Variants in IFT140 observed in about 807,000 individuals in gnomAD.
The protein encoded by IFT140 is intraflagellar transport protein 140 homolog.
IFT140 carries 133 observed loss-of-function variants against 164.6 expected under a neutral mutation model. That is an observed-to-expected ratio of 0.81 (90% CI 0.70 to 0.93). The LOEUF (loss-of-function observed/expected upper bound fraction) is 0.93. Among genes scored for constraint, IFT140 ranks in the 40% least tolerant of loss-of-function variants. The pLI is 0.00. For missense variants in IFT140, 2,045 were observed against 1,972.3 expected, an observed-to-expected ratio of 1.04 and a Z score of -0.70; for synonymous variants, 860 against 817.3, an observed-to-expected ratio of 1.05 and a Z score of -0.89.
intron 1 of IFT140, among the ~76,000 whole-genome samples, chr16:1,611,326 G>C (rs1223310137): frequency 1.3e-5 from 2 of 152,100 alleles, no homozygotes; most frequent in Non-Finnish European, 2.9e-5. Flanking sequence ...GCAACAAGGC[G>C]AGATCCTGTC....
chr16:1,606,449 C>A (rs969006794), intron 3 of IFT140, among the ~76,000 whole-genome samples: 1 of 152,202 alleles, frequency 6.6e-6, no homozygotes, highest in Non-Finnish European at 1.5e-5. Context: ...AAACTGATGA[C>A]GGATGTCGTT....
At position 1,520,677 on chromosome 16, in the gene IFT140, T is replaced by C. The variant is rs766242258; in HGVS notation, c.3585A>G (p.Ile1195Met). ...TGCCCTGGCGCATGCAGCAGTCTGC[T>C]ATCTGCTCCAGCAGCTCCCGCCGCG... The part of the protein sequence containing the change: ...EESRRELLEQ[I>M]ADCCMRQGSY... The change falls in exon 27 of 31, where the codon ATA becomes ATG. Residue 1195 changes from isoleucine (I) to methionine (M), a missense_variant. Physicochemically the swap from Ile to Met is conservative, Grantham distance 10. Coordinates refer to ENST00000426508, the MANE Select transcript of IFT140 (RefSeq NM_014714.4). 5 of 1,608,556 alleles carry C rather than the reference T, an allele frequency of 3.1e-6. No homozygotes were observed. The highest frequency in any genetic ancestry group is 1.1e-5 in the South Asian group (1 of 90,062).
intron 26 of IFT140, among the ~76,000 whole-genome samples, chr16:1,522,738 T>C (rs905252226): frequency 1.4e-4 from 21 of 152,080 alleles, no homozygotes; most frequent in African/African-American, 4.8e-4. Flanking sequence ...CTTGGGAGGC[T>C]GAAGCAGGAG....
intron 4 of IFT140, among the ~76,000 whole-genome samples, chr16:1,600,434 C>G (rs796130023): frequency 1.6e-5 from 2 of 122,656 alleles, no homozygotes; most frequent in South Asian, 6.3e-4. Flanking sequence ...GTGAGAAACA[C>G]CCAAGAATTA....
intron 4 of IFT140, among the ~76,000 whole-genome samples, chr16:1,595,153 C>T (rs1246601456): frequency 1.3e-5 from 2 of 152,076 alleles, no homozygotes; most frequent in Admixed American, 6.6e-5. Context: ...GGCGTGGCGG[C>T]GGGCGCCTGT....
In IFT140 at chr16:1,602,139, C is replaced by T. The variant is rs137940479; in HGVS notation, c.369+231G>A. 579 of 558,898 alleles carry T rather than the reference C, an allele frequency of 1.0e-3. 5 individuals carry two copies. Among genetic ancestry groups the T allele is most frequent in the African/African-American group, 9.8e-3 (518 of 53,116 alleles). The allele number at this position is 558,898 out of a possible 1,614,324, so 34.6% of individuals were successfully genotyped here. A position where few individuals can be genotyped will look rare whatever the true frequency, so the allele number is the denominator to read the frequency against. On this transcript the variant is annotated intron_variant, in intron 4 of 30. Coordinates refer to ENST00000426508, the MANE Select transcript of IFT140 (RefSeq NM_014714.4). ...GACAGTATCTGGGCACGTATCTTTA[C>T]GAATGCAGTTTCCCAGCAAAGTTCA...
At chr16:1,560,365 C>T (rs984066851) in intron 18 of IFT140, among the ~76,000 whole-genome samples, 1 of 152,216 alleles carries the variant, frequency 6.6e-6, no homozygotes, top group African/African-American at 2.4e-5. Flanking sequence ...CGGCCGCCAA[C>T]CGCACCCAGG....
rs2040642620 is a variant in IFT140 at position 1,525,025 on chromosome 16, A to C, written c.2865-109T>G. On this transcript the variant is annotated intron_variant, in intron 22 of 30. Transcript: ENST00000426508. ...TTAGAGTGCATGTCACCTGACCTGCAAACAGGCTGGGCCAAGAGTGAGGAC... is the reference window on the plus strand; with the variant it reads ...TTAGAGTGCATGTCACCTGACCTGCCAACAGGCTGGGCCAAGAGTGAGGAC... The C allele has an allele frequency of 4.1e-6, 6 of 1,450,278 alleles. No individual in the cohort carries two copies. The Admixed American group carries it at 9.8e-5, about 24-fold the overall frequency. The allele number at this position is 1,450,278 out of a possible 1,614,324, so 89.8% of individuals were successfully genotyped here. A position where few individuals can be genotyped will look rare whatever the true frequency, so the allele number is the denominator to read the frequency against.
chr16:1,512,527 G>C (rs1438937491), intron 30 of IFT140, among the ~76,000 whole-genome samples: 2 of 152,162 alleles, frequency 1.3e-5, no homozygotes, highest in African/African-American at 4.8e-5. Context: ...ACCATAGAGA[G>C]AATAAAGAAG....
intron 13 of IFT140, among the ~76,000 whole-genome samples, chr16:1,573,327 C>CTCCCT (rs1233528795): frequency 6.6e-6 from 1 of 152,126 alleles, no homozygotes; most frequent in African/African-American, 2.4e-5. Context: ...GGTGAGCTCA[C>CTCCCT]TCCCTGCCCT....
chr16:1,524,224 T>TTG, intron 24 of IFT140: 1 of 611,582 alleles, frequency 1.6e-6, no homozygotes, highest in Non-Finnish European at 2.8e-6. Flanking sequence ...GTTGGGACAT[T>TTG]TGTGTGGTGC....
intron 30 of IFT140, chr16:1,513,111 A>C (rs924815875): frequency 1.3e-5 from 2 of 152,256 alleles, no homozygotes; most frequent in South Asian, 2.1e-4. Context: ...TGGTGGGTGC[A>C]GAGGCCCTGC....
intron 4 of IFT140, 171 bp downstream of exon 4, chr16:1,602,199 T>G (rs2035828420): frequency 1.6e-6 from 1 of 638,236 alleles, no homozygotes. Flanking sequence ...TGCCACAGAG[T>G]GGCAAATTTT....
chr16:1,552,245 C>T (rs1380683225), intron 19 of IFT140, among the ~76,000 whole-genome samples: 6 of 152,142 alleles, frequency 3.9e-5, no homozygotes, highest in African/African-American at 1.2e-4. Context: ...GCCGGTATAA[C>T]CTCCTCCCGC....
chr16:1,590,558 G>A (rs1231289955), intron 6 of IFT140, among the ~76,000 whole-genome samples: 1 of 152,092 alleles, frequency 6.6e-6, no homozygotes, highest in Non-Finnish European at 1.5e-5. Flanking sequence ...TAAGCTACAG[G>A]ACTTAACTGT....
Position 1,516,139 on chromosome 16 carries a change from C to CAAAAAAA in IFT140, c.4182+2070_4182+2076dup, listed in dbSNP as rs869165237. On this transcript the variant is annotated intron_variant, in intron 30 of 30. Coordinates refer to ENST00000426508, the MANE Select transcript of IFT140 (RefSeq NM_014714.4). ...GGCTACAAAGAGCAAAACTCTGTCT[C>CAAAAAAA]AAAAAAAAAAAAAAAAAAAAAAAAA... Among the ~76,000 whole-genome samples the CAAAAAAA allele has an allele frequency of 3.4e-3, 155 of 46,014 alleles. 9 individuals are homozygous for CAAAAAAA. The highest frequency in any genetic ancestry group is 4.7e-3 in the Non-Finnish European group (103 of 22,022). The allele number at this position is 46,014 out of a possible 152,430, so 30.2% of individuals were successfully genotyped here.
In IFT140 at chr16:1,558,109, T is replaced by TCG. The variant is rs2033205614; in HGVS notation, c.2223_2224dup (p.Glu742AlafsTer45). 2 of 1,614,066 alleles carry TCG rather than the reference T, an allele frequency of 1.2e-6. No homozygotes were observed. The highest frequency in any genetic ancestry group is 1.7e-6 in the Non-Finnish European group (2 of 1,180,044). On this transcript the variant is annotated frameshift_variant, in exon 19 of 31. Transcript: ENST00000426508. LOFTEE classifies it high-confidence loss of function. The stretch of plus-strand genomic sequence containing the variant: ...GATGTGGTGGCACCCAGGCTCCACC[T>TCG]CGTCTTCTCTGTCTGCTTCTTCGGG...
rs1046589787 is a variant in IFT140 at position 1,564,847 on chromosome 16, G to A, written c.1902-685C>T. Among the ~76,000 whole-genome samples the A allele has an allele frequency of 2.6e-5, 4 of 152,332 alleles. No individual in the cohort carries two copies. The highest frequency in any genetic ancestry group is 9.6e-5 in the African/African-American group (4 of 41,580). ...AAGAAGGACAGGACCCGGTGCTGCA[G>A]GACATGAAGATCCCCTAGTAAGCCA... is the stretch of plus-strand genomic sequence containing the variant. On this transcript the variant is annotated intron_variant, in intron 16 of 30. Transcript: ENST00000426508. This position sits in a 1 kb window ranked among gnomAD's most constrained non-coding sequence, Gnocchi z 5.5.
Position 1,607,171 on chromosome 16 carries a change from A to T in IFT140, c.96T>A (p.Val32=). ...SWHPVHPFLA[V]AYISTTSTGS... ...CTGTTGAGGTTGTGCTGATGTAAGC[A>T]ACTGCCAAGAATGGATGGACAGGGT... The change falls in exon 3 of 31, where the codon GTT becomes GTA. Residue 32 remains valine, a synonymous_variant. Transcript: ENST00000426508. 1.9e-6 allele frequency: 3 copies of T among 1,614,162 alleles called. No homozygotes were observed. The South Asian group carries it at 3.3e-5, about 18-fold the overall frequency.
Sources: gnomAD v4.1 joint callset for allele counts (sites outside exome capture counted in the v4.1 genomes callset) on GRCh38, gnomAD v4.1.1 for gene constraint, Gnocchi (gnomAD v3.1) non-coding constraint, MANE v1.5 for transcripts, NCBI Gene and HGNC (gene_info 2026-07-23, HGNC 2026-07-21) for gene names.